Variants in KBTBD8 observed in about 807,000 individuals in gnomAD.
KBTBD8 encodes the protein kelch repeat and BTB domain-containing protein 8.
Under a neutral mutation model 53.5 loss-of-function variants are expected in KBTBD8, and 31 were observed. The observed-to-expected ratio is 0.58, with a 90% CI of 0.44 to 0.78. The LOEUF is 0.78. KBTBD8 is among the 30% of genes least tolerant of loss of function. KBTBD8 has a pLI of 0.00. For synonymous variants in KBTBD8, 250 were observed against 247.3 expected (o/e 1.01, Z -0.10); for missense variants, 642 against 735.8 (o/e 0.87, Z 1.48).
Position 67,004,237 on chromosome 3 carries a change from G to C in KBTBD8, c.1270G>C (p.Val424Leu). 1.2e-6 allele frequency: 2 copies of C among 1,614,144 alleles called. No individual in the cohort carries two copies. The highest frequency in any genetic ancestry group is 1.7e-6 in the Non-Finnish European group (2 of 1,179,990). ...CAGTAGAGAGAATTGTTGGACGACT[G>C]TTTGCGCGATGCCAGTTGCAATGGA... is the stretch of plus-strand genomic sequence containing the variant. ...YDSRENCWTT[V>L]CAMPVAMEFH... is the part of the protein sequence containing the mutation. Residue 424 changes from valine (V) to leucine (L), a missense_variant, in exon 3 of 4, where the codon GTT (valine) becomes CTT (leucine). By Grantham distance (32) the Val-to-Leu change is conservative. Transcript: ENST00000417314.
intron 2 of KBTBD8, among the ~76,000 whole-genome samples, chr3:67,001,494 C>A (rs954045972): frequency 2.0e-5 from 3 of 152,086 alleles, no homozygotes; most frequent in African/African-American, 7.2e-5. Context: ...AGTGTGAGAC[C>A]ACTCCTGTGT....
chr3:67,004,425 T>C, intron 3 of KBTBD8, 116 bp downstream of exon 3: 1 of 942,958 alleles, frequency 1.1e-6, no homozygotes, highest in East Asian at 2.4e-5. Flanking sequence ...CCAGCTTCCT[T>C]ATCAAACTAT....
In KBTBD8 at chr3:67,004,821, A is replaced by G. The variant is rs139577938; in HGVS notation, c.1342+512A>G. 1.1e-4 allele frequency among the ~76,000 whole-genome samples: 17 copies of G among 152,338 alleles called. No homozygotes were observed. In the East Asian group the frequency reaches 2.7e-3, roughly 24 times the overall value. On this transcript the variant is annotated intron_variant, in intron 3 of 3. Coordinates refer to ENST00000417314, the MANE Select transcript of KBTBD8 (RefSeq NM_032505.3). ...TTTTATATAAGCCTTATTATTGCAA[A>G]AATTATGAAATTTAATTACAAAGAG... is the stretch of plus-strand genomic sequence containing the variant.
intron 2 of KBTBD8, among the ~76,000 whole-genome samples, chr3:66,999,818 C>A (rs368098398): frequency 6.6e-6 from 1 of 152,174 alleles, no homozygotes. Context: ...AATATAGTTT[C>A]TTTGTGCCTA....
rs779222770 is a variant in KBTBD8, at chr3:67,003,905, G to T, written c.938G>T (p.Arg313Met). The change falls in exon 3 of 4, where the codon AGG (arginine) becomes ATG (methionine). Residue 313 changes from arginine (R) to methionine (M), a missense_variant. By Grantham distance (91) the Arg-to-Met change is moderately conservative. Transcript: ENST00000417314. ...TVPCLDIVTG[R>M]VFKLCKPPND... ...CCTTGTCTAGATATAGTCACAGGAA[G>T]GGTGTTTAAACTATGCAAACCACCA... 1.2e-6 allele frequency: 2 copies of T among 1,614,132 alleles called. No homozygotes were observed. Among genetic ancestry groups the T allele is most frequent in the South Asian group, 2.2e-5 (2 of 91,088 alleles).
chr3:67,002,922 A>T (rs886375314), intron 2 of KBTBD8, among the ~76,000 whole-genome samples: 3 of 152,090 alleles, frequency 2.0e-5, no homozygotes, highest in African/African-American at 4.8e-5. Context: ...TATGTGTGTC[A>T]CCTTTTGATT....
chr3:67,003,939 G>A lies in KBTBD8; in HGVS notation c.972G>A (p.Leu324=). 2 of 1,614,112 alleles carry A rather than the reference G, an allele frequency of 1.2e-6. No homozygotes were observed. The highest frequency in any genetic ancestry group is 1.7e-6 in the Non-Finnish European group (2 of 1,180,016). Residue 324 remains leucine, a synonymous_variant, in exon 3 of 4, where the codon CTG becomes CTA. Coordinates refer to ENST00000417314, the MANE Select transcript of KBTBD8 (RefSeq NM_032505.3). ...VFKLCKPPND[L]REVGILVSPD... The stretch of plus-strand genomic sequence containing the variant: ...AACTATGCAAACCACCAAATGACCT[G>A]AGAGAAGTTGGGATTCTTGTATCAC...
intron 3 of KBTBD8, among the ~76,000 whole-genome samples, chr3:67,007,167 A>G (rs779222418): frequency 1.3e-5 from 2 of 152,208 alleles, no homozygotes; most frequent in Non-Finnish European, 1.5e-5. Flanking sequence ...TAAATAGCAT[A>G]CACATTTATC....
At position 67,003,495 on chromosome 3, in the gene KBTBD8, TAA is replaced by T; in HGVS notation, c.532_533del (p.Lys178ValfsTer25). On this transcript the variant is annotated frameshift_variant, in exon 3 of 4. Transcript: ENST00000417314. LOFTEE classifies it high-confidence loss of function. ...LGDRSKEYIR[K>X]KFLCVTKEQE... ...GAGATCGATCAAAAGAATACATTCG[TAA>T]AAAGTTTCTGTGTGTCACCAAAGAA... 1 of 1,614,136 alleles carries T rather than the reference TAA, an allele frequency of 6.2e-7. No homozygotes were observed. The highest frequency in any genetic ancestry group is 8.5e-7 in the Non-Finnish European group (1 of 1,179,998).
chr3:67,004,386 G>A, intron 3 of KBTBD8, 77 bp downstream of exon 3: 1 of 1,375,046 alleles, frequency 7.3e-7, no homozygotes, highest in Non-Finnish European at 1.0e-6. Flanking sequence ...TACTGAAACA[G>A]TTGTGTTCCC....
chr3:67,002,227 T>C (rs796574795), intron 2 of KBTBD8, among the ~76,000 whole-genome samples: 1 of 152,186 alleles, frequency 6.6e-6, no homozygotes, highest in South Asian at 2.1e-4. Flanking sequence ...TTTGAGAAAA[T>C]GAAGTATTTC....
intron 3 of KBTBD8, among the ~76,000 whole-genome samples, chr3:67,004,788 C>A (rs1358743362): frequency 6.6e-6 from 1 of 152,066 alleles, no homozygotes; most frequent in Non-Finnish European, 1.5e-5. Context: ...TATTTAGTTA[C>A]CAAAGAGTTT....
Position 67,008,669 on chromosome 3 carries a change from G to T in KBTBD8, c.*284G>T, listed in dbSNP as rs1702091483. On this transcript the variant is annotated 3_prime_UTR_variant, in exon 4 of 4. Transcript: ENST00000417314. Reference sequence around the variant, plus strand: ...GTGATAAATAGTAACTGAGGTACCAGATGAATCAGGACAACTATGCACTCT... The same window carrying T: ...GTGATAAATAGTAACTGAGGTACCATATGAATCAGGACAACTATGCACTCT... 1.4e-5 allele frequency: 5 copies of T among 356,014 alleles called. No homozygotes were observed. The South Asian group carries it at 1.9e-4, about 14-fold the overall frequency. 22.1% of individuals were successfully genotyped at this position (356,014 alleles called of 1,614,324 possible). A position where few individuals can be genotyped will look rare whatever the true frequency, so the allele number is the denominator to read the frequency against.
At position 67,008,294 on chromosome 3, in the gene KBTBD8, A is replaced by G. The variant is rs371396500; in HGVS notation, c.1715A>G (p.Tyr572Cys). 1 of 1,613,800 alleles carries G rather than the reference A, an allele frequency of 6.2e-7. No individual in the cohort carries two copies. The highest frequency in any genetic ancestry group is 1.1e-5 in the South Asian group (1 of 91,078). Residue 572 changes from tyrosine (Y) to cysteine (C), a missense_variant, in exon 4 of 4, where the codon TAT becomes TGT. Tyr to Cys is a radical substitution (Grantham distance 194). Coordinates refer to ENST00000417314, the MANE Select transcript of KBTBD8 (RefSeq NM_032505.3). ...ATTGCTGACCAGTGGATGAAAGTGT[A>G]TGAGACCCCAGATCGGCTCTGGGAC... ...DDIADQWMKVYETPDRLWDLG... is the reference protein window; with the variant it reads ...DDIADQWMKVCETPDRLWDLG...
At chr3:67,007,730 T>C (rs1387685121) in intron 3 of KBTBD8, among the ~76,000 whole-genome samples, 192 bp from the exon 4 acceptor site, 1 of 152,178 alleles carries the variant, frequency 6.6e-6, no homozygotes, top group East Asian at 1.9e-4. Flanking sequence ...TATTGTGTCA[T>C]GGAATGACAA....
In KBTBD8 at chr3:67,007,955, A is replaced by G. The variant is rs762004143; in HGVS notation, c.1376A>G (p.Asp459Gly). Residue 459 changes from aspartate to glycine, a missense_variant, in exon 4 of 4, where the codon GAC (aspartate) becomes GGC (glycine). Asp to Gly is a moderately conservative substitution (Grantham distance 94). Transcript: ENST00000417314. ...EFFLFYEPQKDYWGFLTPMTV... is the reference protein window; with the variant it reads ...EFFLFYEPQKGYWGFLTPMTV... ...TTTCTCTTCTATGAGCCTCAAAAAG[A>G]CTACTGGGGTTTCTTAACCCCCATG... is the stretch of plus-strand genomic sequence containing the variant. 1.9e-5 allele frequency: 30 copies of G among 1,579,382 alleles called. No individual in the cohort carries two copies. The South Asian group carries it at 3.5e-4, about 19-fold the overall frequency.
intron 3 of KBTBD8, among the ~76,000 whole-genome samples, chr3:67,006,111 A>T (rs1023803922): frequency 3.9e-5 from 6 of 152,196 alleles, no homozygotes; most frequent in Non-Finnish European, 7.3e-5. Flanking sequence ...TCTTGTGGAA[A>T]AATGGAATAT....
chr3:67,005,498 A>G (rs893540929), intron 3 of KBTBD8, among the ~76,000 whole-genome samples: 2 of 152,162 alleles, frequency 1.3e-5, no homozygotes, highest in African/African-American at 4.8e-5. Flanking sequence ...GCTCCCATCT[A>G]GGTTTGTGTA....
intron 3 of KBTBD8, among the ~76,000 whole-genome samples, chr3:67,005,140 T>C (rs1575580124): frequency 6.6e-6 from 1 of 152,326 alleles, no homozygotes; most frequent in East Asian, 1.9e-4. Context: ...TTCCTTTTAT[T>C]TGGTTTCTTA....
Sources: gnomAD v4.1 joint callset for allele counts (sites outside exome capture counted in the v4.1 genomes callset) on GRCh38, gnomAD v4.1.1 for gene constraint, MANE v1.5 for transcripts, NCBI Gene and HGNC (gene_info 2026-07-23, HGNC 2026-07-21) for gene names.